Variants in COXFA4L2 observed in about 807,000 individuals in gnomAD.
COXFA4L2 encodes the protein cytochrome c oxidase hypoxia associated subunit FA4L2.
chr12:57,237,060 C>CT, the COXFA4L2 span: 1 of 1,614,060 alleles, frequency 6.2e-7, no homozygotes, highest in Non-Finnish European at 8.5e-7. Flanking sequence ...CCGGTAGAAG[C>CT]GGGCCCCAAG....
chr12:57,235,779 C>G, the COXFA4L2 span: 1 of 1,574,708 alleles, frequency 6.4e-7, no homozygotes, highest in Non-Finnish European at 8.6e-7. Flanking sequence ...TCAGGCGGTT[C>G]CAGGGCTCCG....
chr12:57,237,696 T>G, the COXFA4L2 span: 3 of 156,008 alleles, frequency 1.9e-5, no homozygotes, highest in Admixed American at 1.9e-4. Context: ...GGTTGGAGGC[T>G]GGAAGAACCA....
the COXFA4L2 span, chr12:57,235,902 T>G: frequency 2.5e-6 from 3 of 1,192,964 alleles, no homozygotes; most frequent in Non-Finnish European, 3.4e-6. Flanking sequence ...CCGGAGGCTC[T>G]GGCCCCACCC....
the COXFA4L2 span, chr12:57,237,276 G>A: frequency 2.1e-6 from 3 of 1,441,522 alleles, no homozygotes; most frequent in Non-Finnish European, 2.7e-6. Context: ...AGCCTGTAGG[G>A]GAATTGTCTG....
the COXFA4L2 span, chr12:57,236,989 A>C: frequency 6.2e-7 from 1 of 1,612,636 alleles, no homozygotes; most frequent in Non-Finnish European, 8.5e-7. Flanking sequence ...GGGCAGCAGG[A>C]GAGTTAGGAG....
chr12:57,236,268 G>T, the COXFA4L2 span: 3 of 365,808 alleles, frequency 8.2e-6, no homozygotes, highest in Non-Finnish European at 1.5e-5. Flanking sequence ...AGCTCACCCG[G>T]CCACAACCCC....
At chr12:57,239,882 A>C in the COXFA4L2 span, 1 of 151,354 alleles carries the variant, frequency 6.6e-6, no homozygotes, top group South Asian at 2.1e-4. The surrounding 1 kb of genome is among the most constrained non-coding windows in gnomAD (Gnocchi z 5.5). Context: ...TCTCTCCCCA[A>C]CCCCACTCCC....
chr12:57,235,729 C>T, the COXFA4L2 span: 5 of 1,607,710 alleles, frequency 3.1e-6, no homozygotes, highest in Non-Finnish European at 4.3e-6. Context: ...GGGGGCAACC[C>T]TAGAGCCATC....
chr12:57,237,054 T>C, the COXFA4L2 span: 2 of 1,614,194 alleles, frequency 1.2e-6, 1 homozygote, highest in South Asian at 2.2e-5. Context: ...GATCTGCCGG[T>C]AGAAGCGGGC....
the COXFA4L2 span, chr12:57,240,569 G>T: frequency 1.7e-6 from 1 of 589,010 alleles, no homozygotes; most frequent in Non-Finnish European, 2.1e-6. Context: ...CCCGGCGCGC[G>T]CACACACACA....
At chr12:57,240,210 T>A in the COXFA4L2 span, 3 of 151,958 alleles carry the variant, frequency 2.0e-5, no homozygotes, top group African/African-American at 7.3e-5. Flanking sequence ...AGCCGGGAGC[T>A]GCGCGGTGAG....
At chr12:57,237,092 GT>G in the COXFA4L2 span, 1 of 1,614,198 alleles carries the variant, frequency 6.2e-7, no homozygotes, top group East Asian at 2.2e-5. Flanking sequence ...CCATATCGTT[GT>G]TTTCCCAGTC....
the COXFA4L2 span, chr12:57,235,774 C>T: frequency 3.4e-5 from 54 of 1,578,690 alleles, no homozygotes; most frequent in African/African-American, 8.1e-5. Flanking sequence ...GGGGCTCAGG[C>T]GGTTCCAGGG....
the COXFA4L2 span, chr12:57,240,753 A>G: frequency 1.0e-6 from 1 of 985,512 alleles, no homozygotes; most frequent in Non-Finnish European, 1.2e-6. Context: ...ACAGACCTGC[A>G]GGCGGAGACG....
chr12:57,238,682 C>G, the COXFA4L2 span, among the ~76,000 whole-genome samples: 2 of 152,240 alleles, frequency 1.3e-5, no homozygotes, highest in African/African-American at 4.8e-5. This position sits in a 1 kb window ranked among gnomAD's most constrained non-coding sequence, Gnocchi z 6.8. Flanking sequence ...AGGCCCTCGC[C>G]TGCTTCCTTG....
At chr12:57,239,161 G>A in the COXFA4L2 span, among the ~76,000 whole-genome samples, 1 of 152,256 alleles carries the variant, frequency 6.6e-6, no homozygotes, top group Non-Finnish European at 1.5e-5. The surrounding 1 kb of genome is among the most constrained non-coding windows in gnomAD (Gnocchi z 5.5). Flanking sequence ...TGGCTGCACA[G>A]AGGGTCAAAG....
the COXFA4L2 span, chr12:57,237,362 G>A: frequency 1.4e-6 from 2 of 1,381,576 alleles, no homozygotes; most frequent in Non-Finnish European, 1.9e-6. Context: ...CATCATTCTT[G>A]GGGCTTCTGG....
At chr12:57,236,437 G>A in the COXFA4L2 span, 1 of 597,830 alleles carries the variant, frequency 1.7e-6, no homozygotes, top group East Asian at 3.2e-5. Flanking sequence ...GGGATACGGG[G>A]GTCTCCCAGG....
the COXFA4L2 span, chr12:57,235,683 G>C: frequency 4.3e-6 from 7 of 1,612,712 alleles, no homozygotes; most frequent in Non-Finnish European, 5.9e-6. Context: ...TCTAGTACGG[G>C]AGTTGTGGGT....
Sources: gnomAD v4.1 joint callset for allele counts (sites outside exome capture counted in the v4.1 genomes callset) on GRCh38, gnomAD v4.1.1 for gene constraint, Gnocchi (gnomAD v3.1) non-coding constraint, MANE v1.5 for transcripts, NCBI Gene and HGNC (gene_info 2026-07-23, HGNC 2026-07-21) for gene names.